The following TBC1D10B variants were observed in gnomAD, a reference collection of about 807,000 sequenced individuals.
The protein encoded by TBC1D10B is Rab27A-GAPbeta.
In TBC1D10B, 25 loss-of-function variants were observed where a neutral mutation model predicts 78.4. The ratio of observed to expected loss-of-function variants is 0.32; its 90% CI spans 0.23 to 0.45. The LOEUF is 0.45. Among genes scored for constraint, TBC1D10B ranks in the 20% least tolerant of loss-of-function variants. The probability of loss-of-function intolerance (pLI) is 1.00; values close to 1 mark genes in which losing one functional copy is unlikely to be tolerated. For synonymous variants in TBC1D10B, 517 were observed against 478.0 expected (o/e 1.08, Z -1.06); for missense variants, 996 against 1,104.8 (o/e 0.90, Z 1.40).
chr16:30,365,336 T>C lies in TBC1D10B; in HGVS notation c.1057-124A>G. On this transcript the variant is annotated intron_variant, in intron 2 of 8. Transcript: ENST00000409939. The surrounding 1 kb of genome is among the most constrained non-coding windows in gnomAD (Gnocchi z 5.0). ...CCCATAGGCTTGATTCCACTGGACC[T>C]GGCCTGGACTTCTATTTTTAAAGCC... 9 of 1,212,454 alleles carry C rather than the reference T, an allele frequency of 7.4e-6. No individual in the cohort carries two copies. In the South Asian group the frequency reaches 1.0e-4, roughly 14 times the overall value. 75.1% of individuals were successfully genotyped at this position (1,212,454 alleles called of 1,614,324 possible).
rs781359806 is a variant in TBC1D10B, at chr16:30,358,665, C to T, written c.1795G>A (p.Glu599Lys). 1 of 1,603,390 alleles carries T rather than the reference C, an allele frequency of 6.2e-7. No individual in the cohort carries two copies. Among genetic ancestry groups the T allele is most frequent in the Non-Finnish European group, 8.5e-7 (1 of 1,172,450 alleles). ...CTGCGTTGAGGGCACAGGCCTACCT[C>T]ATGCACCAGGAAGTCTTCCTGCATG... is the stretch of plus-strand genomic sequence containing the variant. ...QCMQEDFLVHEVTNLPVTEAL... is the reference protein window; with the variant it reads ...QCMQEDFLVHKVTNLPVTEAL... The change falls in exon 8 of 9, where the codon GAG becomes AAG. Residue 599 changes from glutamate (E) to lysine (K), a missense_variant and splice_region_variant. Coordinates refer to ENST00000409939, the MANE Select transcript of TBC1D10B (RefSeq NM_015527.4).
At chr16:30,363,032 G>A (rs550279877) in intron 4 of TBC1D10B, among the ~76,000 whole-genome samples, 2 of 152,252 alleles carry the variant, frequency 1.3e-5, no homozygotes, top group East Asian at 1.9e-4. Flanking sequence ...GCGAGACTCC[G>A]TCTCAAAAAA....
chr16:30,359,028 T>C, intron 7 of TBC1D10B, 144 bp downstream of exon 7: 1 of 1,259,438 alleles, frequency 7.9e-7, no homozygotes, highest in Non-Finnish European at 1.1e-6. Context: ...AAATCAGGCC[T>C]GTTTCTCCAG....
At chr16:30,363,548 G>A (rs1227052031) in intron 4 of TBC1D10B, among the ~76,000 whole-genome samples, 6 of 152,120 alleles carry the variant, frequency 3.9e-5, no homozygotes, top group Admixed American at 1.3e-4. Flanking sequence ...TTGAGCCCAG[G>A]AGTTCAAGAC....
chr16:30,366,010 G>A (rs928253351), intron 1 of TBC1D10B: 2 of 200,658 alleles, frequency 1.0e-5, no homozygotes, highest in Middle Eastern at 2.2e-3. Flanking sequence ...GGGTTTATAC[G>A]AAATAACACA....
At position 30,365,462 on chromosome 16, in the gene TBC1D10B, T is replaced by G; in HGVS notation, c.1056+33A>C. Reference sequence around the variant, plus strand: ...AGCACATGCTACCCCTCCCAACTTGTGCATTGCCCTGCCCACCATTCAGCC... The same window carrying G: ...AGCACATGCTACCCCTCCCAACTTGGGCATTGCCCTGCCCACCATTCAGCC... On this transcript the variant is annotated intron_variant, in intron 2 of 8. Transcript: ENST00000409939. The surrounding 1 kb of genome is among the most constrained non-coding windows in gnomAD (Gnocchi z 5.0). The G allele has an allele frequency of 6.2e-7, 1 of 1,610,788 alleles. No homozygotes were observed. The highest frequency in any genetic ancestry group is 1.1e-5 in the South Asian group (1 of 90,998).
At chr16:30,358,917 A>C (rs765825773) in intron 7 of TBC1D10B, 100 bp from the exon 8 acceptor site, 66 of 1,414,990 alleles carry the variant, frequency 4.7e-5, no homozygotes, top group Non-Finnish European at 6.2e-5. Context: ...ATCTACTGCC[A>C]ATCTCAGATG....
chr16:30,369,653 G>A lies in TBC1D10B; in HGVS notation c.531C>T (p.Thr177=). ...AKPPLAPKPG[T]TVASGVTARS... is the part of the protein sequence containing the mutation. Reference sequence around the variant, plus strand: ...GTGCAGTCACTCCTGAGGCCACTGTGGTTCCCGGCTTGGGGGCAAGCGGGG... The same window carrying A: ...GTGCAGTCACTCCTGAGGCCACTGTAGTTCCCGGCTTGGGGGCAAGCGGGG... The change falls in exon 1 of 9, where the codon ACC becomes ACT. Residue 177 remains threonine (T), a synonymous_variant. Transcript: ENST00000409939. The surrounding 1 kb of genome is among the most constrained non-coding windows in gnomAD (Gnocchi z 4.3). The A allele has an allele frequency of 6.5e-7, 1 of 1,533,618 alleles. No individual in the cohort carries two copies. Among genetic ancestry groups the A allele is most frequent in the Non-Finnish European group, 8.8e-7 (1 of 1,137,644 alleles).
chr16:30,370,214 C>A lies in TBC1D10B; in HGVS notation c.-31G>T. The A allele has an allele frequency of 1.8e-6, 2 of 1,100,644 alleles. No individual in the cohort carries two copies. Among genetic ancestry groups the A allele is most frequent in the Non-Finnish European group, 1.1e-6 (1 of 893,342 alleles). The allele number at this position is 1,100,644 out of a possible 1,614,324, so 68.2% of individuals were successfully genotyped here. A position where few individuals can be genotyped will look rare whatever the true frequency, so the allele number is the denominator to read the frequency against. On this transcript the variant is annotated 5_prime_UTR_variant, in exon 1 of 9. Transcript: ENST00000409939. Reference sequence around the variant, plus strand: ...CGGGCCGCCCCTCACATCCCCCCGCCGGGGAGGCCGCAGAAGGCGCCGCCC... The same window carrying A: ...CGGGCCGCCCCTCACATCCCCCCGCAGGGGAGGCCGCAGAAGGCGCCGCCC...
chr16:30,361,322 C>G (rs2049597233), intron 4 of TBC1D10B, among the ~76,000 whole-genome samples: 1 of 152,196 alleles, frequency 6.6e-6, no homozygotes, highest in Non-Finnish European at 1.5e-5. Flanking sequence ...CTTTACCCCT[C>G]TCTTCCCTCC....
intron 4 of TBC1D10B, among the ~76,000 whole-genome samples, chr16:30,361,683 G>A (rs944894457): frequency 6.6e-6 from 1 of 151,816 alleles, no homozygotes; most frequent in Non-Finnish European, 1.5e-5. Flanking sequence ...GGGATTACAG[G>A]CGTGAGCCAC....
chr16:30,369,576 G>A lies in TBC1D10B; in HGVS notation c.608C>T (p.Ser203Leu). The change falls in exon 1 of 9, where the codon TCA (serine) becomes TTA (leucine). Residue 203 changes from serine to leucine, a missense_variant. Physicochemically the swap from Ser to Leu is moderately radical, Grantham distance 145. Coordinates refer to ENST00000409939, the MANE Select transcript of TBC1D10B (RefSeq NM_015527.4). The surrounding 1 kb of genome is among the most constrained non-coding windows in gnomAD (Gnocchi z 4.3). The stretch of plus-strand genomic sequence containing the variant: ...CTCAGGAGCCTGTCCTGCTGATGCT[G>A]ATGTTGCTGCGGCAGCTCCATGCCC... ...TGGHGAAAAT[S>L]ASAGQAPEDP... The A allele has an allele frequency of 6.5e-7, 1 of 1,532,976 alleles. No individual in the cohort carries two copies. 95.0% of individuals were successfully genotyped at this position (1,532,976 alleles called of 1,614,324 possible).
chr16:30,369,937 C>T lies in TBC1D10B; in HGVS notation c.247G>A (p.Ala83Thr), dbSNP rs2049672988. 1.6e-6 allele frequency: 2 copies of T among 1,220,074 alleles called. No individual in the cohort carries two copies. Among genetic ancestry groups the T allele is most frequent in the African/African-American group, 1.6e-5 (1 of 62,902 alleles). The allele number at this position is 1,220,074 out of a possible 1,614,324, so 75.6% of individuals were successfully genotyped here. ...APAPAPAPAP[A>T]VTGSTVVVLT... ...ACCACCACCGTGCTGCCCGTGACAG[C>T]CGGGGCTGGGGCCGGGGCTGGGGCC... The change falls in exon 1 of 9, where the codon GCT (alanine) becomes ACT (threonine). Residue 83 changes from alanine to threonine, a missense_variant. Transcript: ENST00000409939. The surrounding 1 kb of genome is among the most constrained non-coding windows in gnomAD (Gnocchi z 4.3).
chr16:30,359,828 A>C lies in TBC1D10B; in HGVS notation c.1285T>G (p.Tyr429Asp). 1 of 1,565,106 alleles carries C rather than the reference A, an allele frequency of 6.4e-7. No individual in the cohort carries two copies. The highest frequency in any genetic ancestry group is 8.7e-7 in the Non-Finnish European group (1 of 1,154,470). Residue 429 changes from tyrosine (Y) to aspartate (D), a missense_variant, in exon 5 of 9, where the codon TAC becomes GAC. Around this residue, in one of 5 missense-constraint regions of TBC1D10B, gnomAD observed 93 missense variants for 152.7 expected, o/e 0.61. Transcript: ENST00000409939. Reference sequence around the variant, plus strand: ...ATGGTGTAGGCCTTCAGGATTCGGTACAGGTCCTGTTGCCTGTGGGGGTTG... The same window carrying C: ...ATGGTGTAGGCCTTCAGGATTCGGTCCAGGTCCTGTTGCCTGTGGGGGTTG... ...ARGGHGQQDLYRILKAYTIYR... is the reference protein window; with the variant it reads ...ARGGHGQQDLDRILKAYTIYR...
At position 30,357,646 on chromosome 16, in the gene TBC1D10B, CT is replaced by C. The variant is rs924491998; in HGVS notation, c.*297del. 3.7e-5 allele frequency: 18 copies of C among 489,800 alleles called. No individual in the cohort carries two copies. In the Admixed American group the frequency reaches 3.7e-4, roughly 10 times the overall value. The allele number at this position is 489,800 out of a possible 1,614,324, so 30.3% of individuals were successfully genotyped here. A position where few individuals can be genotyped will look rare whatever the true frequency, so the allele number is the denominator to read the frequency against. On this transcript the variant is annotated 3_prime_UTR_variant, in exon 9 of 9. Transcript: ENST00000409939. ...TGACTCCCATCACCAGGAGTCACCCCTGGGATGACAACGGGCCATTCAGGAC... is the reference window on the plus strand; with the variant it reads ...TGACTCCCATCACCAGGAGTCACCCCGGGATGACAACGGGCCATTCAGGAC...
intron 1 of TBC1D10B, among the ~76,000 whole-genome samples, chr16:30,368,252 A>G (rs1254016034): frequency 6.6e-6 from 1 of 152,130 alleles, no homozygotes; most frequent in Non-Finnish European, 1.5e-5. Context: ...AATCAATCCT[A>G]CTTACTCTCC....
Position 30,369,158 on chromosome 16 carries a change from G to C in TBC1D10B, c.956+70C>G. The C allele has an allele frequency of 1.4e-6, 2 of 1,436,834 alleles. No homozygotes were observed. Among genetic ancestry groups the C allele is most frequent in the Admixed American group, 2.6e-5 (1 of 39,126 alleles). 89.0% of individuals were successfully genotyped at this position (1,436,834 alleles called of 1,614,324 possible). On this transcript the variant is annotated intron_variant, in intron 1 of 8. Transcript: ENST00000409939. This position sits in a 1 kb window ranked among gnomAD's most constrained non-coding sequence, Gnocchi z 4.3. ...TGCCAGAGTCTGGGCAAAGTGTATC[G>C]TTTTCGTTTCGCCCTCCCCCAACCT...
At chr16:30,360,318 G>A (rs1596985584) in intron 4 of TBC1D10B, 1 of 167,520 alleles carries the variant, frequency 6.0e-6, no homozygotes, top group East Asian at 1.7e-4. Context: ...AATAAAATCT[G>A]TACCCTAGAT....
Position 30,358,356 on chromosome 16 carries a change from G to T in TBC1D10B, c.2015C>A (p.Ala672Glu). 1 of 1,558,436 alleles carries T rather than the reference G, an allele frequency of 6.4e-7. No individual in the cohort carries two copies. Residue 672 changes from alanine to glutamate, a missense_variant, in exon 9 of 9, where the codon GCA becomes GAA. This residue lies in a region of TBC1D10B where 285 missense variants were observed against 252.5 expected (regional missense o/e 1.13). Transcript: ENST00000409939. ...LPGLKSRGSRAAGGAPSPPPP... is the reference protein window; with the variant it reads ...LPGLKSRGSREAGGAPSPPPP... ...CGGCGGGGACGGGGCCCCTCCAGCT[G>T]CCCGGGAGCCTCGGCTCTTGAGGCC... is the stretch of plus-strand genomic sequence containing the variant.
Sources: gnomAD v4.1 joint callset for allele counts (sites outside exome capture counted in the v4.1 genomes callset) on GRCh38, gnomAD v4.1.1 for gene constraint, gnomAD v4.1.1 regional missense constraint, Gnocchi (gnomAD v3.1) non-coding constraint, MANE v1.5 for transcripts, NCBI Gene and HGNC (gene_info 2026-07-23, HGNC 2026-07-21) for gene names.